GABRB1: variants seen among roughly 807,000 people sequenced by gnomAD.
The protein encoded by GABRB1 is gamma-aminobutyric acid receptor subunit beta-1.
Under a neutral mutation model 51.6 loss-of-function variants are expected in GABRB1, and 17 were observed. The observed-to-expected ratio is 0.33, with a 90% CI of 0.23 to 0.49. GABRB1 has a LOEUF of 0.49. GABRB1 is among the 20% of genes least tolerant of loss of function. GABRB1 has a pLI of 0.99. For synonymous variants in GABRB1, 247 were observed against 218.9 expected (o/e 1.13, Z -1.14); for missense variants, 410 against 600.6 (o/e 0.68, Z 3.32).
rs145443694 is a variant in GABRB1, at chr4:47,372,170, C to T, written c.545-31148C>T. On this transcript the variant is annotated intron_variant, in intron 5 of 8. Coordinates refer to ENST00000295454, the MANE Select transcript of GABRB1 (RefSeq NM_000812.4). ...TTCTGCATATGGCTAGCCAGTTCTC[C>T]CAGCACCATTTATTAAATATGGAAT... Among the ~76,000 whole-genome samples, 908 of 152,246 alleles carry T rather than the reference C, an allele frequency of 6.0e-3. 9 individuals are homozygous for T. The highest frequency in any genetic ancestry group is 0.02 in the African/African-American group (838 of 41,532).
At chr4:47,137,522 A>G (rs1024904285) in intron 3 of GABRB1, among the ~76,000 whole-genome samples, 12 of 152,294 alleles carry the variant, frequency 7.9e-5, no homozygotes, top group African/African-American at 2.6e-4. Context: ...GTTTAGATAC[A>G]TAAAGAGAGT....
chr4:47,289,865 A>G (rs1206284855), intron 4 of GABRB1, among the ~76,000 whole-genome samples: 1 of 152,234 alleles, frequency 6.6e-6, no homozygotes, highest in Non-Finnish European at 1.5e-5. Flanking sequence ...TTCATTACCC[A>G]TAAGTAGAAA....
intron 3 of GABRB1, among the ~76,000 whole-genome samples, chr4:47,084,909 C>T (rs1315929749): frequency 6.6e-6 from 1 of 152,136 alleles, no homozygotes; most frequent in East Asian, 1.9e-4. Flanking sequence ...TTACCAGCAT[C>T]TATATGACTC....
intron 4 of GABRB1, among the ~76,000 whole-genome samples, chr4:47,279,346 C>T (rs1000826990): frequency 3.0e-4 from 45 of 152,128 alleles, no homozygotes; most frequent in African/African-American, 1.0e-3. Flanking sequence ...AGCATTTTTA[C>T]AAGCGAATAG....
At chr4:47,304,382 G>T (rs535385083) in intron 4 of GABRB1, among the ~76,000 whole-genome samples, 1 of 151,954 alleles carries the variant, frequency 6.6e-6, no homozygotes, top group Non-Finnish European at 1.5e-5. Flanking sequence ...CTAATGATTA[G>T]TGATATTGAA....
intron 4 of GABRB1, among the ~76,000 whole-genome samples, chr4:47,273,317 A>G (rs1722947061): frequency 6.6e-6 from 1 of 152,202 alleles, no homozygotes; most frequent in African/African-American, 2.4e-5. Context: ...GAAATTGGTG[A>G]TATGATGGAA....
At chr4:47,328,468 G>T (rs1431004906) in intron 5 of GABRB1, among the ~76,000 whole-genome samples, 4 of 152,084 alleles carry the variant, frequency 2.6e-5, no homozygotes, top group South Asian at 4.1e-4. Flanking sequence ...ACATGCACAC[G>T]CATGTTTATT....
intron 3 of GABRB1, among the ~76,000 whole-genome samples, chr4:47,077,890 A>G (rs1341629831): frequency 7.2e-6 from 1 of 139,564 alleles, no homozygotes; most frequent in Non-Finnish European, 1.5e-5. Context: ...ATTTTTATAT[A>G]TATTATATGT....
intron 1 of GABRB1, among the ~76,000 whole-genome samples, chr4:47,008,614 C>T (rs1724482527): frequency 6.7e-6 from 1 of 149,540 alleles, no homozygotes; most frequent in South Asian, 2.1e-4. Flanking sequence ...AGGCTCCCGC[C>T]ACCACACCCA....
chr4:47,293,303 G>A (rs1203201296), intron 4 of GABRB1, among the ~76,000 whole-genome samples: 2 of 151,940 alleles, frequency 1.3e-5, no homozygotes, highest in East Asian at 3.9e-4. Flanking sequence ...CATAATGCTT[G>A]GCTAATTTTG....
At chr4:47,226,419 G>C (rs1225939500) in intron 4 of GABRB1, among the ~76,000 whole-genome samples, 1 of 151,998 alleles carries the variant, frequency 6.6e-6, no homozygotes, top group Non-Finnish European at 1.5e-5. Flanking sequence ...AAAGTTCTGG[G>C]GTGGGCACTA....
chr4:47,413,866 A>G (rs182319455), intron 8 of GABRB1, among the ~76,000 whole-genome samples: 4 of 152,326 alleles, frequency 2.6e-5, no homozygotes, highest in East Asian at 3.9e-4. Flanking sequence ...GAGAGTTTCA[A>G]CCTCTAAGGT....
intron 4 of GABRB1, among the ~76,000 whole-genome samples, chr4:47,243,362 T>C (rs1178447261): frequency 1.3e-5 from 2 of 152,136 alleles, no homozygotes; most frequent in African/African-American, 4.8e-5. Flanking sequence ...ATTGACTTGG[T>C]GATGCGGGCT....
chr4:47,042,637 T>G (rs1027179441), intron 3 of GABRB1, among the ~76,000 whole-genome samples: 5 of 151,158 alleles, frequency 3.3e-5, no homozygotes, highest in Non-Finnish European at 7.4e-5. Flanking sequence ...TGAATGACAT[T>G]TAAAAAGAAG....
At chr4:47,299,580 T>G (rs1470660763) in intron 4 of GABRB1, among the ~76,000 whole-genome samples, 1 of 152,028 alleles carries the variant, frequency 6.6e-6, no homozygotes, top group East Asian at 1.9e-4. Flanking sequence ...CATTCAAAAG[T>G]CAGGAAACAA....
chr4:47,196,875 T>A (rs1677934236), intron 4 of GABRB1, among the ~76,000 whole-genome samples: 1 of 152,242 alleles, frequency 6.6e-6, no homozygotes, highest in Admixed American at 6.5e-5. Flanking sequence ...TGTAGAGCAG[T>A]CCTTTACTTT....
intron 3 of GABRB1, among the ~76,000 whole-genome samples, chr4:47,068,101 TGAACCTCATGAAC>T (rs1727163733): frequency 6.6e-6 from 1 of 152,170 alleles, no homozygotes; most frequent in Non-Finnish European, 1.5e-5. Flanking sequence ...CTTCCTTTCT[TGAACCTCATGAAC>T]CAACCTTTGC....
intron 3 of GABRB1, among the ~76,000 whole-genome samples, chr4:47,156,035 G>A (rs549567264): frequency 1.1e-4 from 16 of 149,448 alleles, no homozygotes; most frequent in Admixed American, 9.5e-4. Flanking sequence ...CAATAAAAAT[G>A]GGAGTGCAGA....
chr4:47,129,515 T>C (rs1390011381), intron 3 of GABRB1, among the ~76,000 whole-genome samples: 1 of 152,184 alleles, frequency 6.6e-6, no homozygotes, highest in Non-Finnish European at 1.5e-5. Flanking sequence ...AGTTACCTAA[T>C]AAGAAATGGT....
Sources: allele counts gnomAD v4.1 joint callset (sites outside exome capture counted in the v4.1 genomes callset), GRCh38; gene constraint gnomAD v4.1.1; transcripts MANE v1.5; gene names NCBI Gene and HGNC (gene_info 2026-07-23, HGNC 2026-07-21).